The following CIROZ variants were observed in gnomAD, a reference collection of about 807,000 sequenced individuals.
The protein encoded by CIROZ is ciliated left-right organizer ZP-N domains-containing protein.
At chr1:10,972,420 T>TAG in the CIROZ span, among the ~76,000 whole-genome samples, 2,043 of 131,790 alleles carry the variant, frequency 0.016, 50 homozygotes, top group African/African-American at 0.057. Flanking sequence ...GTCTCTGAAA[T>TAG]ACACACACAC....
At chr1:10,957,912 A>G in the CIROZ span, among the ~76,000 whole-genome samples, 2 of 152,190 alleles carry the variant, frequency 1.3e-5, no homozygotes, top group African/African-American at 2.4e-5. Flanking sequence ...CTCTGGGAGG[A>G]GAGTCAACCA....
At chr1:10,949,982 A>G in the CIROZ span, among the ~76,000 whole-genome samples, 1 of 150,966 alleles carries the variant, frequency 6.6e-6, no homozygotes, top group Non-Finnish European at 1.5e-5. Context: ...TGAATTTCAC[A>G]GTCCTCCCAC....
At chr1:10,947,102 G>A in the CIROZ span, among the ~76,000 whole-genome samples, 66,111 of 152,096 alleles carry the variant, frequency 0.43, 15,674 homozygotes, top group Non-Finnish European at 0.55. Context: ...GCCCCATCGG[G>A]AGGAATGATT....
the CIROZ span, chr1:10,976,170 G>T: frequency 6.5e-7 from 1 of 1,536,818 alleles, no homozygotes; most frequent in Non-Finnish European, 8.7e-7. Context: ...TAAAACTTCT[G>T]CTGCAGAGCT....
chr1:10,957,755 T>A, the CIROZ span: 1 of 1,611,842 alleles, frequency 6.2e-7, no homozygotes, highest in Non-Finnish European at 8.5e-7. Flanking sequence ...CCATGGAGTC[T>A]GGAGAAAGAG....
the CIROZ span, among the ~76,000 whole-genome samples, chr1:10,951,408 T>C: frequency 6.6e-6 from 1 of 151,766 alleles, no homozygotes; most frequent in Non-Finnish European, 1.5e-5. Context: ...CTACTAAAAA[T>C]ACAGATTAGC....
the CIROZ span, chr1:10,981,903 T>C: frequency 9.3e-4 from 1,300 of 1,396,372 alleles, 21 homozygotes; most frequent in East Asian, 0.029. Flanking sequence ...CCTTCCCTCT[T>C]AGATGCAAGG....
chr1:10,955,251 T>C, the CIROZ span: 11 of 1,467,574 alleles, frequency 7.5e-6, no homozygotes, highest in South Asian at 6.5e-5. Context: ...ACAAATTAAG[T>C]GGTGGTGGGC....
chr1:10,970,206 T>G, the CIROZ span: 1 of 1,005,620 alleles, frequency 9.9e-7, no homozygotes, highest in African/African-American at 1.6e-5. Flanking sequence ...CAGCCTGGCT[T>G]CAATGGAATA....
chr1:10,948,760 C>T, the CIROZ span: 5 of 1,536,592 alleles, frequency 3.3e-6, no homozygotes, highest in Non-Finnish European at 4.4e-6. Flanking sequence ...CCTCGCTGAG[C>T]TTGCACCACT....
chr1:10,955,138 C>G, the CIROZ span: 1 of 1,613,412 alleles, frequency 6.2e-7, no homozygotes, highest in Non-Finnish European at 8.5e-7. Context: ...TAGACCCAGT[C>G]TCTGCTTGGG....
chr1:10,959,315 C>G, the CIROZ span, among the ~76,000 whole-genome samples: 1 of 152,168 alleles, frequency 6.6e-6, no homozygotes, highest in Non-Finnish European at 1.5e-5. The surrounding 1 kb of genome is among the most constrained non-coding windows in gnomAD (Gnocchi z 4.3). Context: ...CAGGCCCAGG[C>G]AAACCGAGAC....
the CIROZ span, chr1:10,963,993 G>A: frequency 9.2e-7 from 1 of 1,085,302 alleles, no homozygotes; most frequent in Non-Finnish European, 1.3e-6. Flanking sequence ...ATGCCATACT[G>A]CATCTGCAGC....
At chr1:10,955,156 A>T in the CIROZ span, 35 of 1,608,908 alleles carry the variant, frequency 2.2e-5, no homozygotes, top group Non-Finnish European at 2.7e-5. Context: ...GGGGATGTGA[A>T]CTAAGACCTC....
the CIROZ span, among the ~76,000 whole-genome samples, chr1:10,950,025 A>G: frequency 2.0e-5 from 3 of 146,734 alleles, no homozygotes; most frequent in Non-Finnish European, 4.5e-5. Flanking sequence ...GTGGACATCA[A>G]GATTCTTTTT....
At chr1:10,948,735 G>T in the CIROZ span, 4 of 1,548,726 alleles carry the variant, frequency 2.6e-6, no homozygotes, top group African/African-American at 1.4e-5. Flanking sequence ...TGCTTCCCCT[G>T]GGGGAGGCTG....
the CIROZ span, among the ~76,000 whole-genome samples, chr1:10,952,771 CAA>C: frequency 6.6e-6 from 1 of 152,202 alleles, no homozygotes; most frequent in African/African-American, 2.4e-5. Context: ...CTTGGCCTCC[CAA>C]AGTGCTGGGA....
chr1:10,966,506 C>T, the CIROZ span: 1,269 of 1,524,312 alleles, frequency 8.3e-4, 2 homozygotes, highest in Non-Finnish European at 1.0e-3. Flanking sequence ...GGGACAGAAA[C>T]GTGGGTTGAG....
chr1:10,955,117 C>T, the CIROZ span: 1 of 1,614,000 alleles, frequency 6.2e-7, no homozygotes, highest in Non-Finnish European at 8.5e-7. Context: ...AATGTAGGAA[C>T]CTCTTTTGAC....
Sources: allele counts gnomAD v4.1 joint callset (sites outside exome capture counted in the v4.1 genomes callset), GRCh38; gene constraint gnomAD v4.1.1; non-coding constraint Gnocchi (gnomAD v3.1); transcripts MANE v1.5; gene names NCBI Gene and HGNC (gene_info 2026-07-23, HGNC 2026-07-21).